TSPEAR: variants seen among roughly 807,000 people sequenced by gnomAD.
TSPEAR encodes the protein thrombospondin-type laminin G domain and EAR repeat-containing protein.
In TSPEAR, 69 loss-of-function variants were observed where a neutral mutation model predicts 71.6. The observed-to-expected ratio is 0.96, with a 90% CI of 0.79 to 1.18. TSPEAR has a LOEUF of 1.18. Among genes scored for constraint, TSPEAR ranks in the 50% most tolerant of loss-of-function variants. The pLI, the probability that TSPEAR is intolerant of heterozygous loss-of-function variation, is 0.00. For synonymous variants in TSPEAR, 402 were observed against 387.2 expected, an observed-to-expected ratio of 1.04 and a Z score of -0.45; for missense variants, 971 against 894.9, an observed-to-expected ratio of 1.09 and a Z score of -1.09.
intron 9 of TSPEAR, chr21:44,517,542 A>G (rs998701001): frequency 2.9e-6 from 1 of 343,200 alleles, no homozygotes; most frequent in Non-Finnish European, 5.8e-6. Context: ...AGGTCCAGCT[A>G]GGCTGGGACA....
intron 8 of TSPEAR, among the ~76,000 whole-genome samples, chr21:44,525,359 A>G (rs1246762386): frequency 6.6e-6 from 1 of 152,188 alleles, no homozygotes; most frequent in Non-Finnish European, 1.5e-5. Context: ...TTAGGTAGTT[A>G]ATCAGCTAGT....
intron 9 of TSPEAR, chr21:44,510,775 C>T (rs2052347493): frequency 6.6e-6 from 1 of 152,346 alleles, no homozygotes; most frequent in Admixed American, 6.5e-5. Context: ...AGCAGATCCG[C>T]AGCCGGTCAG....
intron 1 of TSPEAR, chr21:44,592,588 C>T: frequency 1.3e-6 from 2 of 1,503,452 alleles, no homozygotes; most frequent in Non-Finnish European, 1.8e-6. Flanking sequence ...CCACAGCTTC[C>T]CCTTCCGTGT....
intron 1 of TSPEAR, chr21:44,627,705 C>A: frequency 1.3e-6 from 2 of 1,598,664 alleles, no homozygotes; most frequent in Non-Finnish European, 1.7e-6. Context: ...CCTCCCCCTG[C>A]CAGCAGTCCT....
At chr21:44,526,800 C>T (rs782038873) in intron 7 of TSPEAR, among the ~76,000 whole-genome samples, 5 of 152,248 alleles carry the variant, frequency 3.3e-5, no homozygotes, top group African/African-American at 9.6e-5. Flanking sequence ...CCCACCACCT[C>T]GACCCTCTGC....
chr21:44,681,046 G>A (rs534208162), intron 1 of TSPEAR, among the ~76,000 whole-genome samples: 1 of 152,214 alleles, frequency 6.6e-6, no homozygotes, highest in East Asian at 1.9e-4. Flanking sequence ...TAGACAAGGT[G>A]ATGAATATCC....
chr21:44,518,159 T>G (rs1332478186), intron 9 of TSPEAR: 1 of 372,210 alleles, frequency 2.7e-6, no homozygotes, highest in Non-Finnish European at 5.5e-6. Flanking sequence ...AGTATCATCT[T>G]GAATACTTCT....
intron 10 of TSPEAR, among the ~76,000 whole-genome samples, chr21:44,505,422 C>T (rs1309997858): frequency 1.3e-5 from 2 of 152,090 alleles, no homozygotes; most frequent in African/African-American, 2.4e-5. Flanking sequence ...ATAACATTTC[C>T]CACCTCAACC....
At chr21:44,675,893 C>T in intron 1 of TSPEAR, 1 of 738,460 alleles carries the variant, frequency 1.4e-6, no homozygotes, top group South Asian at 1.5e-5. Flanking sequence ...TTGAGTGGTT[C>T]TTGTGCCTAC....
intron 1 of TSPEAR, among the ~76,000 whole-genome samples, chr21:44,650,407 C>T (rs1158347323): frequency 3.2e-4 from 5 of 15,538 alleles, no homozygotes; most frequent in African/African-American, 6.1e-4. Context: ...ACCTGGAGAA[C>T]GCCATGTGAC....
chr21:44,702,687 C>T, intron 1 of TSPEAR: 1 of 1,537,118 alleles, frequency 6.5e-7, no homozygotes, highest in Non-Finnish European at 9.0e-7. Context: ...CACCCGCCTT[C>T]TCCTGCCAGC....
Position 44,700,932 on chromosome 21 carries a change from G to A in TSPEAR, c.82+10501C>T, listed in dbSNP as rs116327899. 2.8e-3 allele frequency among the ~76,000 whole-genome samples: 430 copies of A among 152,260 alleles called. 4 individuals carry two copies. The highest frequency in any genetic ancestry group is 9.6e-3 in the African/African-American group (400 of 41,536). ...GCCCATAGGGTGATATTCCAAGGTC[G>A]TGCAAGCCAAGTCAGAGGTGAGAGG... On this transcript the variant is annotated intron_variant, in intron 1 of 11. Transcript: ENST00000323084.
rs1555938738 is a variant in TSPEAR, at chr21:44,642,568, G to A, written c.82+68865C>T. ...CTCAAAAAATTAAAAATGGGGCCGG[G>A]CGCAGTGGCTCATGCCTGTAATCCC... On this transcript the variant is annotated intron_variant, in intron 1 of 11. Transcript: ENST00000323084. This position sits in a 1 kb window ranked among gnomAD's most constrained non-coding sequence, Gnocchi z 4.1. Among the ~76,000 whole-genome samples the A allele has an allele frequency of 6.6e-6, 1 of 152,226 alleles. No individual in the cohort carries two copies. Among genetic ancestry groups the A allele is most frequent in the African/African-American group, 2.4e-5 (1 of 41,448 alleles).
Position 44,703,834 on chromosome 21 carries a change from G to T in TSPEAR, c.82+7599C>A, listed in dbSNP as rs563964029. ...GGTCCCACACCCAGCCTCACTCCCC[G>T]CCAGAGCCGCCTCCTCACCTGCTGT... On this transcript the variant is annotated intron_variant, in intron 1 of 11. Coordinates refer to ENST00000323084, the MANE Select transcript of TSPEAR (RefSeq NM_144991.3). 6.6e-5 allele frequency among the ~76,000 whole-genome samples: 10 copies of T among 152,110 alleles called. No homozygotes were observed. In the South Asian group the frequency reaches 1.9e-3, roughly 28 times the overall value.
intron 1 of TSPEAR, among the ~76,000 whole-genome samples, chr21:44,619,677 A>G (rs932770398): frequency 1.3e-5 from 2 of 152,274 alleles, no homozygotes; most frequent in African/African-American, 2.4e-5. Flanking sequence ...ATTTAAAAAG[A>G]AATTAAATAG....
intron 1 of TSPEAR, among the ~76,000 whole-genome samples, chr21:44,572,834 GACACACACACACACAC>G (rs71199612): frequency 0.015 from 1,908 of 124,890 alleles, 25 homozygotes; most frequent in Admixed American, 0.021. Context: ...GGGAGATTTG[GACACACACACACACAC>G]ACACACACAC....
Position 44,525,684 on chromosome 21 carries a change from C to T in TSPEAR, c.1305G>A (p.Glu435=), listed in dbSNP as rs587656436. The part of the protein sequence containing the change: ...RDWEAFEVDG[E]HFLAVANHRE... ...GGTGGTTGGCCACCGCCAGGAAGTG[C>T]TCCCCATCCACCTCGAAGGCCTCCC... is the stretch of plus-strand genomic sequence containing the variant. The change falls in exon 8 of 12, where the codon GAG becomes GAA. Residue 435 remains glutamate (E), a synonymous_variant. Transcript: ENST00000323084. The T allele has an allele frequency of 1.2e-6, 2 of 1,614,184 alleles. No individual in the cohort carries two copies. Among genetic ancestry groups the T allele is most frequent in the East Asian group, 4.5e-5 (2 of 44,888 alleles).
chr21:44,513,167 G>C (rs1440315643), intron 9 of TSPEAR, among the ~76,000 whole-genome samples: 2 of 152,218 alleles, frequency 1.3e-5, no homozygotes, highest in African/African-American at 4.8e-5. Flanking sequence ...CCAGCATTTA[G>C]CTGGCCGAGT....
chr21:44,603,097 G>A lies in TSPEAR; in HGVS notation c.83-35092C>T, dbSNP rs1455237966. Among the ~76,000 whole-genome samples the A allele has an allele frequency of 5.9e-5, 9 of 152,098 alleles. No homozygotes were observed. The South Asian group carries it at 6.2e-4, about 11-fold the overall frequency. On this transcript the variant is annotated intron_variant, in intron 1 of 11. Transcript: ENST00000323084. The stretch of plus-strand genomic sequence containing the variant: ...GGAGGCTGGGTGAGGCCAGGCCATC[G>A]TAGGTTTCATGAGGAGCAGAGCCGA...
Sources: allele counts gnomAD v4.1 joint callset (sites outside exome capture counted in the v4.1 genomes callset), GRCh38; gene constraint gnomAD v4.1.1; non-coding constraint Gnocchi (gnomAD v3.1); transcripts MANE v1.5; gene names NCBI Gene and HGNC (gene_info 2026-07-23, HGNC 2026-07-21).